The following SGK1 variants were observed in gnomAD, a reference collection of about 807,000 sequenced individuals.
SGK1 encodes serine/threonine-protein kinase Sgk1.
Under a neutral mutation model 64.2 loss-of-function variants are expected in SGK1, and 26 were observed. The ratio of observed to expected loss-of-function variants is 0.40; its 90% CI spans 0.30 to 0.56. The LOEUF (loss-of-function observed/expected upper bound fraction) is 0.56, where lower values mean the gene tolerates loss of function less well. Among genes scored for constraint, SGK1 ranks in the 20% least tolerant of loss-of-function variants. SGK1 has a pLI of 0.38. For missense variants in SGK1, 519 were observed against 645.6 expected, an observed-to-expected ratio of 0.80 and a Z score of 2.12; for synonymous variants, 265 against 239.7, an observed-to-expected ratio of 1.11 and a Z score of -0.98.
At chr6:134,298,702 A>AG in intron 1 of SGK1, 1 of 740,946 alleles carries the variant, frequency 1.3e-6, no homozygotes, top group East Asian at 4.8e-5. Context: ...GACATGGTGG[A>AG]GGCAGGAGTG....
chr6:134,249,085 G>T (rs1202987940), intron 2 of SGK1, among the ~76,000 whole-genome samples: 1 of 151,970 alleles, frequency 6.6e-6, no homozygotes, highest in Non-Finnish European at 1.5e-5. Flanking sequence ...CGTCTTTTTT[G>T]CAGAAGAAGA....
chr6:134,284,989 T>A (rs772531762), intron 1 of SGK1, among the ~76,000 whole-genome samples: 23 of 152,262 alleles, frequency 1.5e-4, no homozygotes, highest in Non-Finnish European at 2.6e-4. Context: ...ATTGTGCTGC[T>A]ATAAATATGC....
Position 134,230,054 on chromosome 6 carries a change from G to A in SGK1, c.286-22623C>T, listed in dbSNP as rs112257073. On this transcript the variant is annotated intron_variant, in intron 2 of 13. Transcript: ENST00000367858. ...AGCTGGGTGGTAATTAACAGGACTTGACCTTACAATAATTAGATGCTGAGA... is the reference window on the plus strand; with the variant it reads ...AGCTGGGTGGTAATTAACAGGACTTAACCTTACAATAATTAGATGCTGAGA... Among the ~76,000 whole-genome samples, 1,486 of 152,218 alleles carry A rather than the reference G, an allele frequency of 9.8e-3. 20 individuals carry two copies. The highest frequency in any genetic ancestry group is 0.032 in the African/African-American group (1,342 of 41,508).
chr6:134,206,379 ATATATTTTTTTTT>A (rs1775783405), intron 3 of SGK1, among the ~76,000 whole-genome samples: 1 of 4,582 alleles, frequency 2.2e-4, no homozygotes, highest in South Asian at 0.011. Context: ...ATATATATAT[ATATATTTTTTTTT>A]TTTTTTTTTT....
At chr6:134,194,891 G>A (rs1775574108) in intron 3 of SGK1, among the ~76,000 whole-genome samples, 1 of 152,134 alleles carries the variant, frequency 6.6e-6, no homozygotes, top group Non-Finnish European at 1.5e-5. Flanking sequence ...CAAAAAGCAA[G>A]CCATTAAAGG....
intron 2 of SGK1, among the ~76,000 whole-genome samples, chr6:134,208,911 C>T (rs866792399): frequency 9.2e-6 from 1 of 108,422 alleles, no homozygotes; most frequent in African/African-American, 2.6e-5. Context: ...TATATATACA[C>T]ACACACGTGT....
chr6:134,287,949 T>C (rs1168736976), intron 1 of SGK1, among the ~76,000 whole-genome samples: 1 of 152,184 alleles, frequency 6.6e-6, no homozygotes, highest in Non-Finnish European at 1.5e-5. Flanking sequence ...TTCATGTTTG[T>C]TATTTTGTCT....
At chr6:134,241,359 T>A (rs111767369) in intron 2 of SGK1, among the ~76,000 whole-genome samples, 2,250 of 152,074 alleles carry the variant, frequency 0.015, 41 homozygotes, top group African/African-American at 0.049. Context: ...TCTGAAGATG[T>A]TTTTTTCTTT....
intron 1 of SGK1, among the ~76,000 whole-genome samples, chr6:134,267,833 G>T (rs1157093982): frequency 7.2e-5 from 11 of 152,138 alleles, no homozygotes; most frequent in African/African-American, 2.4e-4. Flanking sequence ...TTACAAAAAT[G>T]AATCCAGCAA....
chr6:134,176,643 G>A (rs1775241528), intron 3 of SGK1, among the ~76,000 whole-genome samples: 1 of 152,222 alleles, frequency 6.6e-6, no homozygotes, highest in African/African-American at 2.4e-5. Context: ...ATGACCTCTT[G>A]CTACCAAAGG....
At chr6:134,210,208 A>G (rs914848777) in intron 2 of SGK1, among the ~76,000 whole-genome samples, 4 of 152,234 alleles carry the variant, frequency 2.6e-5, no homozygotes, top group Non-Finnish European at 4.4e-5. Flanking sequence ...AATACATACA[A>G]TGGAATATTA....
At chr6:134,224,151 A>G (rs904520772) in intron 2 of SGK1, among the ~76,000 whole-genome samples, 2 of 152,232 alleles carry the variant, frequency 1.3e-5, no homozygotes, top group African/African-American at 4.8e-5. Context: ...CAAAAACACC[A>G]TGAATACAGC....
chr6:134,254,128 C>CA (rs772602600), intron 2 of SGK1, among the ~76,000 whole-genome samples: 3,681 of 88,232 alleles, frequency 0.042, 57 homozygotes, highest in Non-Finnish European at 0.048. Context: ...TTTTTTTTTT[C>CA]AAAAAAAAAA....
chr6:134,193,193 G>A (rs1039164202), intron 3 of SGK1, among the ~76,000 whole-genome samples: 1 of 152,102 alleles, frequency 6.6e-6, no homozygotes, highest in African/African-American at 2.4e-5. Flanking sequence ...CTACCTGATT[G>A]CAGCTCAGCT....
chr6:134,235,265 G>A (rs906687777), intron 2 of SGK1, among the ~76,000 whole-genome samples: 4 of 152,180 alleles, frequency 2.6e-5, no homozygotes, highest in African/African-American at 7.2e-5. Flanking sequence ...GACTGAAGGT[G>A]AGAGATGTGC....
At chr6:134,299,363 TCAAACAAAA>T (rs938579646) in intron 1 of SGK1, among the ~76,000 whole-genome samples, 6 of 152,102 alleles carry the variant, frequency 3.9e-5, no homozygotes, top group East Asian at 3.9e-4. Context: ...AGACCTTATC[TCAAACAAAA>T]CAAACAAAAC....
rs573947607 is a variant in SGK1, at chr6:134,206,952, G to A, written c.361+404C>T. 6.4e-4 allele frequency among the ~76,000 whole-genome samples: 97 copies of A among 151,780 alleles called. No homozygotes were observed. The East Asian group carries it at 6.6e-3, about 10-fold the overall frequency. On this transcript the variant is annotated intron_variant, in intron 3 of 13. Coordinates refer to ENST00000367858, the MANE Select transcript of SGK1 (RefSeq NM_001143676.3). ...TAAGAATAAATAAACAAGGCCGGGC[G>A]CGGTGGCTCACGCCTGTAATCCCAG... is the stretch of plus-strand genomic sequence containing the variant.
intron 2 of SGK1, among the ~76,000 whole-genome samples, chr6:134,207,843 A>G (rs2114686186): frequency 6.6e-6 from 1 of 152,370 alleles, no homozygotes; most frequent in South Asian, 2.1e-4. Flanking sequence ...CAGAAATGAT[A>G]CTTTTAGTAC....
chr6:134,248,891 A>G (rs1029016207), intron 2 of SGK1, among the ~76,000 whole-genome samples: 6 of 151,970 alleles, frequency 3.9e-5, no homozygotes, highest in Admixed American at 3.3e-4. Context: ...TCTCCCTTCA[A>G]CTACTATTCT....
Sources: allele counts gnomAD v4.1 joint callset (sites outside exome capture counted in the v4.1 genomes callset), GRCh38; gene constraint gnomAD v4.1.1; transcripts MANE v1.5; gene names NCBI Gene and HGNC (gene_info 2026-07-23, HGNC 2026-07-21).